KCNT2: variants seen among roughly 807,000 people sequenced by gnomAD.
KCNT2 encodes the protein potassium channel subfamily T member 2.
In KCNT2, 67 loss-of-function variants were observed where a neutral mutation model predicts 153.8. The ratio of observed to expected loss-of-function variants is 0.44; its 90% confidence interval spans 0.36 to 0.53. The LOEUF is 0.53. Ranked by LOEUF, KCNT2 falls within the 20% of genes least tolerant of loss-of-function variation. The pLI is 0.00. For missense variants in KCNT2, 975 were observed against 1,354.8 expected, an observed-to-expected ratio of 0.72 and a Z score of 4.40; for synonymous variants, 500 against 458.8, an observed-to-expected ratio of 1.09 and a Z score of -1.15.
intron 21 of KCNT2, among the ~76,000 whole-genome samples, chr1:196,312,278 G>A (rs183015606): frequency 6.6e-6 from 1 of 151,794 alleles, no homozygotes; most frequent in Admixed American, 6.6e-5. Flanking sequence ...AGTCTTCTGA[G>A]TAAAGGAGTG....
At chr1:196,420,958 C>G (rs1673152259) in intron 12 of KCNT2, among the ~76,000 whole-genome samples, 1 of 152,004 alleles carries the variant, frequency 6.6e-6, no homozygotes, top group Non-Finnish European at 1.5e-5. Context: ...TTATAGACTT[C>G]TAACCAGTAT....
intron 1 of KCNT2, among the ~76,000 whole-genome samples, chr1:196,603,152 T>A (rs2149035808): frequency 6.6e-6 from 1 of 152,326 alleles, no homozygotes; most frequent in South Asian, 2.1e-4. Context: ...TTTGTGGATA[T>A]TTTTCTTAAT....
chr1:196,290,884 A>C (rs561961059), intron 22 of KCNT2, among the ~76,000 whole-genome samples: 1 of 152,194 alleles, frequency 6.6e-6, no homozygotes, highest in East Asian at 1.9e-4. Flanking sequence ...TCATAAAAGT[A>C]CAAGTCTGAC....
At chr1:196,495,093 C>A (rs772124273) in intron 1 of KCNT2, among the ~76,000 whole-genome samples, 2 of 151,834 alleles carry the variant, frequency 1.3e-5, no homozygotes, top group Admixed American at 6.6e-5. Context: ...ATGAATCTGG[C>A]GATCTCTCTG....
At chr1:196,595,567 C>T (rs1294390756) in intron 1 of KCNT2, among the ~76,000 whole-genome samples, 3 of 152,138 alleles carry the variant, frequency 2.0e-5, no homozygotes, top group Non-Finnish European at 4.4e-5. Context: ...ATAACTTAAT[C>T]ATACCCTCCC....
intron 1 of KCNT2, among the ~76,000 whole-genome samples, chr1:196,560,631 C>A (rs1449333762): frequency 6.6e-6 from 1 of 151,782 alleles, no homozygotes; most frequent in East Asian, 1.9e-4. Context: ...AAAACAGGAG[C>A]CTAACTTTAG....
intron 13 of KCNT2, among the ~76,000 whole-genome samples, chr1:196,394,022 A>G (rs1558236752): frequency 6.6e-6 from 1 of 151,644 alleles, no homozygotes; most frequent in Non-Finnish European, 1.5e-5. Context: ...ACTGGAAAAA[A>G]AATGATTTGA....
intron 25 of KCNT2, among the ~76,000 whole-genome samples, chr1:196,267,457 T>A (rs912834918): frequency 7.9e-5 from 12 of 152,274 alleles, no homozygotes; most frequent in African/African-American, 2.9e-4. Flanking sequence ...CATTAACAAG[T>A]ATCACTTTTT....
chr1:196,578,313 G>A (rs1012529574), intron 1 of KCNT2, among the ~76,000 whole-genome samples: 1 of 152,118 alleles, frequency 6.6e-6, no homozygotes, highest in Non-Finnish European at 1.5e-5. Flanking sequence ...AAGACAACAA[G>A]AAGCACCTCA....
At chr1:196,233,312 T>C (rs1409107577) in intron 27 of KCNT2, among the ~76,000 whole-genome samples, 1 of 151,432 alleles carries the variant, frequency 6.6e-6, no homozygotes, top group African/African-American at 2.4e-5. Context: ...AATAAAGCAA[T>C]ATTATACTTG....
intron 13 of KCNT2, among the ~76,000 whole-genome samples, chr1:196,394,446 C>T (rs529358230): frequency 6.6e-6 from 1 of 151,674 alleles, no homozygotes; most frequent in Admixed American, 6.6e-5. Context: ...GCATGACTCA[C>T]AGGTTTTTGA....
chr1:196,380,519 G>T (rs1262284899), intron 13 of KCNT2, among the ~76,000 whole-genome samples: 1 of 152,104 alleles, frequency 6.6e-6, no homozygotes, highest in East Asian at 1.9e-4. Context: ...CAGTTGCTAG[G>T]TAACAGCTCT....
At chr1:196,525,722 G>A (rs995251703) in intron 1 of KCNT2, among the ~76,000 whole-genome samples, 2 of 152,184 alleles carry the variant, frequency 1.3e-5, no homozygotes, top group Non-Finnish European at 2.9e-5. Context: ...GAGGCTGAAA[G>A]CCAAAAAAGT....
chr1:196,310,731 A>T (rs1195152436), intron 21 of KCNT2, among the ~76,000 whole-genome samples: 1 of 151,812 alleles, frequency 6.6e-6, no homozygotes, highest in Non-Finnish European at 1.5e-5. Flanking sequence ...GGCAATACAG[A>T]AGTCTTTTAA....
chr1:196,502,680 A>G (rs1558015365), intron 1 of KCNT2, among the ~76,000 whole-genome samples: 1 of 152,174 alleles, frequency 6.6e-6, no homozygotes, highest in Non-Finnish European at 1.5e-5. Flanking sequence ...AAAACACATT[A>G]TGAAATCAGC....
chr1:196,336,699 A>AGCTGTT, intron 16 of KCNT2, among the ~76,000 whole-genome samples: 1 of 152,226 alleles, frequency 6.6e-6, no homozygotes, highest in Admixed American at 6.5e-5. Flanking sequence ...TATGAGGGTG[A>AGCTGTT]ACAATGATCA....
At chr1:196,460,833 G>A (rs56848958) in intron 8 of KCNT2, among the ~76,000 whole-genome samples, 3,023 of 151,618 alleles carry the variant, frequency 0.02, 177 homozygotes, top group East Asian at 0.16. Flanking sequence ...TTTGCATTTT[G>A]TATTAAATTT....
At chr1:196,393,969 C>T (rs1341430998) in intron 13 of KCNT2, among the ~76,000 whole-genome samples, 3 of 151,454 alleles carry the variant, frequency 2.0e-5, no homozygotes, top group Admixed American at 6.6e-5. Flanking sequence ...GTACCAATTG[C>T]CACTTCTAAC....
At chr1:196,334,175 G>T in intron 16 of KCNT2, 115 bp from the exon 17 acceptor site, 3 of 580,350 alleles carry the variant, frequency 5.2e-6, no homozygotes, top group South Asian at 2.4e-5. Context: ...TATAGAGAGA[G>T]TATATATTTA....
Sources: gnomAD v4.1 joint callset for allele counts (sites outside exome capture counted in the v4.1 genomes callset) on GRCh38, gnomAD v4.1.1 for gene constraint, MANE v1.5 for transcripts, NCBI Gene and HGNC (gene_info 2026-07-23, HGNC 2026-07-21) for gene names.